Variants in INPP4B observed in about 807,000 individuals in gnomAD.
The protein encoded by INPP4B is inositol polyphosphate 4-phosphatase type II.
A neutral mutation model predicts 122.5 loss-of-function variants in INPP4B; 55 were observed. The ratio of observed to expected loss-of-function variants is 0.45; its 90% CI spans 0.36 to 0.56. The LOEUF (loss-of-function observed/expected upper bound fraction) is 0.56. Among genes scored for constraint, INPP4B ranks in the 20% least tolerant of loss-of-function variants. INPP4B has a pLI of 0.00. For synonymous variants in INPP4B, 403 were observed against 388.7 expected (o/e 1.04, Z -0.43); for missense variants, 1,000 against 1,097.7 (o/e 0.91, Z 1.26).
chr4:142,533,085 A>G (rs1827809554), intron 2 of INPP4B, among the ~76,000 whole-genome samples: 1 of 152,200 alleles, frequency 6.6e-6, no homozygotes, highest in African/African-American at 2.4e-5. Context: ...ACATTCCAGT[A>G]CTATAGTGCC....
At chr4:142,286,123 C>T (rs756988926) in intron 9 of INPP4B, among the ~76,000 whole-genome samples, 6 of 152,090 alleles carry the variant, frequency 3.9e-5, no homozygotes, top group South Asian at 2.1e-4. Context: ...TACTCAGCTA[C>T]GTGGAAACAG....
At position 142,144,738 on chromosome 4, in the gene INPP4B, T is replaced by C. The variant is rs117997711; in HGVS notation, c.1720+1102A>G. Among the ~76,000 whole-genome samples, 37 of 152,226 alleles carry C rather than the reference T, an allele frequency of 2.4e-4. No individual in the cohort carries two copies. The East Asian group carries it at 6.0e-3, about 25-fold the overall frequency. On this transcript the variant is annotated intron_variant, in intron 18 of 25. Transcript: ENST00000262992. ...GGGACCATCTACAACAAGAATACTT[T>C]AGAAAGCCATAGCTTACAAATATAA... is the stretch of plus-strand genomic sequence containing the variant.
intron 7 of INPP4B, among the ~76,000 whole-genome samples, chr4:142,399,212 T>G (rs1169011868): frequency 6.9e-6 from 1 of 144,956 alleles, no homozygotes; most frequent in African/African-American, 2.6e-5. Flanking sequence ...TTTTTTTTTT[T>G]TTTGAGTCGG....
chr4:142,621,555 AC>A (rs1322677214), intron 2 of INPP4B, among the ~76,000 whole-genome samples: 2 of 151,930 alleles, frequency 1.3e-5, no homozygotes, highest in Non-Finnish European at 2.9e-5. Context: ...AGTGGAAAGG[AC>A]ATGATTGTAA....
rs143449968 is a variant in INPP4B, at chr4:142,336,424, G to A, written c.373-21662C>T. Among the ~76,000 whole-genome samples the A allele has an allele frequency of 1.9e-3, 291 of 152,320 alleles. 3 individuals carry two copies. The highest frequency in any genetic ancestry group is 3.4e-3 in the Middle Eastern group (1 of 292). On this transcript the variant is annotated intron_variant, in intron 7 of 25. Transcript: ENST00000262992. Reference sequence around the variant, plus strand: ...AGACCTTAGGACTCCTTGAGCCAGAGCTGTAACATGCCCCTATCCGCCAAG... The same window carrying A: ...AGACCTTAGGACTCCTTGAGCCAGAACTGTAACATGCCCCTATCCGCCAAG...
At chr4:142,644,847 A>G (rs1022769487) in intron 2 of INPP4B, among the ~76,000 whole-genome samples, 4 of 143,286 alleles carry the variant, frequency 2.8e-5, no homozygotes, top group Admixed American at 7.2e-5. Flanking sequence ...AAGAGCTTGC[A>G]GTGAGCCAAG....
At chr4:142,307,617 A>G (rs918649478) in intron 8 of INPP4B, among the ~76,000 whole-genome samples, 1 of 152,202 alleles carries the variant, frequency 6.6e-6, no homozygotes, top group Non-Finnish European at 1.5e-5. Flanking sequence ...AATGTGGAAA[A>G]TCAAAACAAT....
At chr4:142,373,549 T>G (rs574909237) in intron 7 of INPP4B, among the ~76,000 whole-genome samples, 1 of 151,950 alleles carries the variant, frequency 6.6e-6, no homozygotes, top group Non-Finnish European at 1.5e-5. Context: ...TTGGGAAAGC[T>G]GCTTCACCTC....
chr4:142,600,085 C>CA (rs1213374322), intron 2 of INPP4B, among the ~76,000 whole-genome samples: 1 of 151,974 alleles, frequency 6.6e-6, no homozygotes, highest in Non-Finnish European at 1.5e-5. Context: ...GAGAAGGGTT[C>CA]AAAAAACTAT....
chr4:142,305,794 C>A, intron 8 of INPP4B: 1 of 1,243,070 alleles, frequency 8.0e-7, no homozygotes, highest in Non-Finnish European at 1.0e-6. Context: ...AAATACAGCA[C>A]CCAGAGTTGT....
chr4:142,276,029 C>T (rs560296125), intron 9 of INPP4B, among the ~76,000 whole-genome samples: 1 of 151,702 alleles, frequency 6.6e-6, no homozygotes, highest in South Asian at 2.1e-4. Flanking sequence ...TCTCCAAAAA[C>T]CAAAACCAAA....
intron 11 of INPP4B, among the ~76,000 whole-genome samples, chr4:142,255,974 TG>T (rs2150302595): frequency 6.8e-6 from 1 of 146,080 alleles, no homozygotes; most frequent in East Asian, 2.1e-4. Context: ...CCTCAGCAAA[TG>T]TAAAGTAACA....
intron 2 of INPP4B, among the ~76,000 whole-genome samples, chr4:142,528,422 G>C (rs975990191): frequency 6.6e-6 from 1 of 152,018 alleles, no homozygotes; most frequent in African/African-American, 2.4e-5. Flanking sequence ...TTTTAGGTCC[G>C]AGGACCTCAG....
In INPP4B at chr4:142,621,933, C is replaced by A. The variant is rs1580527015; in HGVS notation, c.-191+103906G>T. 2.6e-5 allele frequency among the ~76,000 whole-genome samples: 4 copies of A among 151,858 alleles called. No individual in the cohort carries two copies. In the East Asian group the frequency reaches 5.8e-4, roughly 22 times the overall value. On this transcript the variant is annotated intron_variant, in intron 2 of 25. Coordinates refer to ENST00000262992, the MANE Select transcript of INPP4B (RefSeq NM_001101669.3). The stretch of plus-strand genomic sequence containing the variant: ...ATCTACAGGCAAGTGTTGTTAATAG[C>A]CTACTTTTACAGGTAGAAAAACTAA...
chr4:142,197,441 T>C (rs1391753764), intron 14 of INPP4B, among the ~76,000 whole-genome samples: 1 of 152,198 alleles, frequency 6.6e-6, no homozygotes, highest in African/African-American at 2.4e-5. Context: ...TAATAATTTT[T>C]ATCTATACTT....
At chr4:142,771,399 G>T (rs1017124301) in intron 1 of INPP4B, among the ~76,000 whole-genome samples, 2 of 152,158 alleles carry the variant, frequency 1.3e-5, no homozygotes, top group African/African-American at 4.8e-5. Flanking sequence ...TCTGGCAAAT[G>T]TATGGAGAAC....
At chr4:142,096,673 A>G (rs1781953968) in intron 23 of INPP4B, among the ~76,000 whole-genome samples, 1 of 152,186 alleles carries the variant, frequency 6.6e-6, no homozygotes, top group Admixed American at 6.6e-5. Flanking sequence ...AGCATTAAAA[A>G]CTTCAAAAGA....
intron 1 of INPP4B, among the ~76,000 whole-genome samples, chr4:142,811,712 G>A (rs147402784): frequency 0.012 from 1,770 of 152,094 alleles, 14 homozygotes; most frequent in Non-Finnish European, 0.018. Context: ...AAAATTTTGC[G>A]TGTACATTGA....
chr4:142,458,641 C>T (rs1460623940), intron 3 of INPP4B, among the ~76,000 whole-genome samples: 5 of 151,988 alleles, frequency 3.3e-5, no homozygotes, highest in African/African-American at 1.2e-4. Context: ...TTTGACAAGG[C>T]AGTAAGAAGG....
Sources: allele counts gnomAD v4.1 joint callset (sites outside exome capture counted in the v4.1 genomes callset), GRCh38; gene constraint gnomAD v4.1.1; transcripts MANE v1.5; gene names NCBI Gene and HGNC (gene_info 2026-07-23, HGNC 2026-07-21).